CCL8: variants seen among roughly 807,000 people sequenced by gnomAD.
CCL8 encodes the protein C-C motif chemokine 8.
A neutral mutation model predicts 6.6 loss-of-function variants in CCL8; 3 were observed. The ratio of observed to expected loss-of-function variants is 0.45; its 90% confidence interval spans 0.21 to 1.17. CCL8 has a LOEUF of 1.17. Ranked by LOEUF, CCL8 falls within the 50% of genes most tolerant of loss-of-function variation. The pLI, the probability that CCL8 is intolerant of heterozygous loss-of-function variation, is 0.24. For missense variants in CCL8, 127 were observed against 118.1 expected (o/e 1.08, Z -0.35); for synonymous variants, 49 against 41.8 (o/e 1.17, Z -0.67).
chr17:34,320,750 T>C, intron 2 of CCL8, 52 bp from the exon 3 acceptor site: 1 of 1,171,968 alleles, frequency 8.5e-7, no homozygotes, highest in South Asian at 1.3e-5. Flanking sequence ...CCCACAGTCC[T>C]GTGCAGGATC....
At position 34,320,385 on chromosome 17, in the gene CCL8, ATG is replaced by A; in HGVS notation, c.194+2_194+3del. 6.3e-7 allele frequency: 1 copy of A among 1,587,248 alleles called. No individual in the cohort carries two copies. Among genetic ancestry groups the A allele is most frequent in the South Asian group, 1.1e-5 (1 of 90,588 alleles). On this transcript the variant is annotated splice_donor_variant and coding_sequence_variant, in exon 2 of 3. Coordinates refer to ENST00000394620, the MANE Select transcript of CCL8 (RefSeq NM_005623.3). LOFTEE classifies it high-confidence loss of function. The stretch of plus-strand genomic sequence containing the variant: ...CATCCAATGTCCCAAGGAAGCTGTG[ATG>A]TGAGTGGACAGTGCCTGGCACCCCC...
In CCL8 at chr17:34,319,444, G is replaced by A. The variant is rs1434079616; in HGVS notation, c.-58G>A. On this transcript the variant is annotated 5_prime_UTR_variant, in exon 1 of 3. Transcript: ENST00000394620. ...AGAGCCACCGAGGAGCAGAGAGGTT[G>A]AGAACAACCCAGAAACCTTCACCTC... 1 of 1,507,642 alleles carries A rather than the reference G, an allele frequency of 6.6e-7. No homozygotes were observed. 93.4% of individuals were successfully genotyped at this position (1,507,642 alleles called of 1,614,324 possible).
chr17:34,320,434 A>G (rs767477998), intron 2 of CCL8, 48 bp downstream of exon 2: 1 of 1,194,924 alleles, frequency 8.4e-7, no homozygotes, highest in Admixed American at 1.7e-5. Context: ...CTGATGGACA[A>G]CATAGAGAAG....
rs201499299 is a variant in CCL8 at position 34,320,793 on chromosome 17, C to T, written c.195-9C>T. 9 of 1,565,650 alleles carry T rather than the reference C, an allele frequency of 5.7e-6. No individual in the cohort carries two copies. Among genetic ancestry groups the T allele is most frequent in the Non-Finnish European group, 6.1e-6 (7 of 1,144,360 alleles). ...TCTTCCATCTAATTGTGCCCTCTCTCCCCCACAGCTTCAAGACCAAACGGG... is the reference window on the plus strand; with the variant it reads ...TCTTCCATCTAATTGTGCCCTCTCTTCCCCACAGCTTCAAGACCAAACGGG... On this transcript the variant is annotated splice_polypyrimidine_tract_variant and intron_variant, in intron 2 of 2. Coordinates refer to ENST00000394620, the MANE Select transcript of CCL8 (RefSeq NM_005623.3).
At chr17:34,320,102 A>T (rs1269291322) in intron 1 of CCL8, among the ~76,000 whole-genome samples, 167 bp from the exon 2 acceptor site, 4 of 152,194 alleles carry the variant, frequency 2.6e-5, no homozygotes, top group Non-Finnish European at 4.4e-5. Context: ...GCAGAGTTCA[A>T]TAGAGGAAAG....
rs756261136 is a variant in CCL8 at position 34,320,945 on chromosome 17, A to G, written c.*38A>G. 7.2e-7 allele frequency: 1 copy of G among 1,388,216 alleles called. No individual in the cohort carries two copies. The highest frequency in any genetic ancestry group is 1.3e-5 in the South Asian group (1 of 79,634). The allele number at this position is 1,388,216 out of a possible 1,614,324, so 86.0% of individuals were successfully genotyped here. ...GGACTGAGAGTCAGAGCTTGAAGAA[A>G]AGCTTATTTATTTTCCCCAACCTCC... On this transcript the variant is annotated 3_prime_UTR_variant, in exon 3 of 3. Coordinates refer to ENST00000394620, the MANE Select transcript of CCL8 (RefSeq NM_005623.3).
At chr17:34,320,448 A>T in intron 2 of CCL8, 62 bp downstream of exon 2, 4 of 1,060,678 alleles carry the variant, frequency 3.8e-6, no homozygotes, top group Non-Finnish European at 5.9e-6. Context: ...AGAGAAGTCA[A>T]GATTCATGTC....
Position 34,319,515 on chromosome 17 carries a change from C to A in CCL8, c.14C>A (p.Ala5Glu), listed in dbSNP as rs751609965. 6.2e-7 allele frequency: 1 copy of A among 1,613,844 alleles called. No homozygotes were observed. The highest frequency in any genetic ancestry group is 1.7e-5 in the Admixed American group (1 of 60,008). The change falls in exon 1 of 3, where the codon GCA (alanine) becomes GAA (glutamate). Residue 5 changes from alanine to glutamate, a missense_variant. Ala to Glu is a moderately radical substitution (Grantham distance 107). Transcript: ENST00000394620. MKVS[A>E]ALLCLLLMAA... The stretch of plus-strand genomic sequence containing the variant: ...TTGCCCTCCAAGATGAAGGTTTCTG[C>A]AGCGCTTCTGTGCCTGCTGCTCATG...
Position 34,320,833 on chromosome 17 carries a change from G to C in CCL8, c.226G>C (p.Ala76Pro), listed in dbSNP as rs758880269. The change falls in exon 3 of 3, where the codon GCT becomes CCT. Residue 76 changes from alanine to proline, a missense_variant. By Grantham distance (27) the Ala-to-Pro change is conservative. Coordinates refer to ENST00000394620, the MANE Select transcript of CCL8 (RefSeq NM_005623.3). ...FKTKRGKEVC[A>P]DPKERWVRDS... ...GACCAAACGGGGCAAGGAGGTCTGTGCTGACCCCAAGGAGAGATGGGTCAG... is the reference window on the plus strand; with the variant it reads ...GACCAAACGGGGCAAGGAGGTCTGTCCTGACCCCAAGGAGAGATGGGTCAG... 9 of 1,609,920 alleles carry C rather than the reference G, an allele frequency of 5.6e-6. No individual in the cohort carries two copies. Among genetic ancestry groups the C allele is most frequent in the Non-Finnish European group, 2.5e-6 (3 of 1,178,612 alleles).
rs1133763 is a variant in CCL8 at position 34,320,812 on chromosome 17, A to C, written c.205A>C (p.Lys69Gln). The change falls in exon 3 of 3, where the codon AAA becomes CAA. Residue 69 changes from lysine to glutamine, a missense_variant. By Grantham distance (53) the Lys-to-Gln change is moderately conservative. Coordinates refer to ENST00000394620, the MANE Select transcript of CCL8 (RefSeq NM_005623.3). ...CTCTCTCCCCCACAGCTTCAAGACC[A>C]AACGGGGCAAGGAGGTCTGTGCTGA... ...CPKEAVIFKT[K>Q]RGKEVCADPK... 0.17 allele frequency: 275,435 copies of C among 1,601,202 alleles called. 27,316 individuals carry two copies. Among genetic ancestry groups the C allele is most frequent in the South Asian group, 0.36 (31,942 of 89,228 alleles).
chr17:34,320,050 G>T (rs1026478963), intron 1 of CCL8, among the ~76,000 whole-genome samples: 1 of 152,170 alleles, frequency 6.6e-6, no homozygotes, highest in African/African-American at 2.4e-5. Flanking sequence ...GGACTAGCTT[G>T]TTACTCAAAA....
At position 34,320,802 on chromosome 17, in the gene CCL8, C is replaced by T. The variant is rs1398790624; in HGVS notation, c.195C>T (p.Ile65=). The T allele has an allele frequency of 1.3e-6, 2 of 1,596,958 alleles. No homozygotes were observed. The highest frequency in any genetic ancestry group is 1.1e-5 in the South Asian group (1 of 88,890). Residue 65 remains isoleucine (I), a splice_region_variant and synonymous_variant, in exon 3 of 3, where the codon ATC becomes ATT. Transcript: ENST00000394620. ...TAATTGTGCCCTCTCTCCCCCACAG[C>T]TTCAAGACCAAACGGGGCAAGGAGG... The part of the protein sequence containing the change: ...TNIQCPKEAV[I]FKTKRGKEVC...
rs117180331 is a variant in CCL8, at chr17:34,320,872, C to A, written c.265C>A (p.His89Asn). The change falls in exon 3 of 3, where the codon CAT becomes AAT. Residue 89 changes from histidine to asparagine, a missense_variant. By Grantham distance (68) the His-to-Asn change is moderately conservative (BLOSUM62 1). Transcript: ENST00000394620. The part of the protein sequence containing the change: ...KERWVRDSMK[H>N]LDQIFQNLKP Reference sequence around the variant, plus strand: ...GAGATGGGTCAGGGATTCCATGAAGCATCTGGACCAAATATTTCAAAATCT... The same window carrying A: ...GAGATGGGTCAGGGATTCCATGAAGAATCTGGACCAAATATTTCAAAATCT... 7,209 of 1,610,606 alleles carry A rather than the reference C, an allele frequency of 4.5e-3. 37 individuals are homozygous for A. The highest frequency in any genetic ancestry group is 0.028 in the Middle Eastern group (167 of 6,046).
chr17:34,320,497 C>T, intron 2 of CCL8, 111 bp downstream of exon 2: 1 of 729,784 alleles, frequency 1.4e-6, no homozygotes, highest in Middle Eastern at 2.4e-4. Context: ...TCCAAAGGGC[C>T]CCTCTACCCC....
At chr17:34,319,895 C>T (rs1047744062) in intron 1 of CCL8, among the ~76,000 whole-genome samples, 3 of 152,156 alleles carry the variant, frequency 2.0e-5, no homozygotes, top group African/African-American at 7.2e-5. Flanking sequence ...CCTTCCAGAA[C>T]AGTGGCTGTG....
rs201283546 is a variant in CCL8 at position 34,320,815 on chromosome 17, C to T, written c.208C>T (p.Arg70Trp). ...TCTCCCCCACAGCTTCAAGACCAAA[C>T]GGGGCAAGGAGGTCTGTGCTGACCC... ...PKEAVIFKTK[R>W]GKEVCADPKE... The change falls in exon 3 of 3, where the codon CGG becomes TGG. Residue 70 changes from arginine (R) to tryptophan (W), a missense_variant. Coordinates refer to ENST00000394620, the MANE Select transcript of CCL8 (RefSeq NM_005623.3). The T allele has an allele frequency of 3.9e-5, 62 of 1,603,444 alleles. No individual in the cohort carries two copies. The highest frequency in any genetic ancestry group is 8.1e-5 in the African/African-American group (6 of 74,238).
At position 34,320,251 on chromosome 17, in the gene CCL8, T is replaced by C. The variant is rs1463490586; in HGVS notation, c.77-18T>C. ...CGGTGGGTCCTAAATGTCTCATTCT[T>C]TGCAAAATTTCTTTCAGATTCAGTT... On this transcript the variant is annotated intron_variant, in intron 1 of 2. Transcript: ENST00000394620. 6.5e-7 allele frequency: 1 copy of C among 1,542,262 alleles called. No homozygotes were observed. The highest frequency in any genetic ancestry group is 9.0e-7 in the Non-Finnish European group (1 of 1,114,764).
rs1437076667 is a variant in CCL8 at position 34,320,978 on chromosome 17, G to A, written c.*71G>A. 2.1e-5 allele frequency: 17 copies of A among 808,462 alleles called. No individual in the cohort carries two copies. The highest frequency in any genetic ancestry group is 6.6e-5 in the South Asian group (4 of 60,426). 50.1% of individuals were successfully genotyped at this position (808,462 alleles called of 1,614,324 possible). Reference sequence around the variant, plus strand: ...TTATTTTCCCCAACCTCCCCCAGGTGCAGTGTGACATTATTTTATTATAAC... The same window carrying A: ...TTATTTTCCCCAACCTCCCCCAGGTACAGTGTGACATTATTTTATTATAAC... On this transcript the variant is annotated 3_prime_UTR_variant, in exon 3 of 3. Coordinates refer to ENST00000394620, the MANE Select transcript of CCL8 (RefSeq NM_005623.3).
In CCL8 at chr17:34,321,384, T is replaced by A. The variant is rs954943390; in HGVS notation, c.*477T>A. 1 of 152,544 alleles carries A rather than the reference T, an allele frequency of 6.6e-6. No homozygotes were observed. The highest frequency in any genetic ancestry group is 2.4e-5 in the African/African-American group (1 of 41,412). 9.4% of individuals were successfully genotyped at this position (152,544 alleles called of 1,614,324 possible). On this transcript the variant is annotated 3_prime_UTR_variant, in exon 3 of 3. Transcript: ENST00000394620. Reference sequence around the variant, plus strand: ...AAAAAAAATTTCAAAAAGAAAAAAATATATATAATTTAAAACTACTTAGTC... The same window carrying A: ...AAAAAAAATTTCAAAAAGAAAAAAAAATATATAATTTAAAACTACTTAGTC...
Sources: allele counts gnomAD v4.1 joint callset (sites outside exome capture counted in the v4.1 genomes callset), GRCh38; gene constraint gnomAD v4.1.1; transcripts MANE v1.5; gene names NCBI Gene and HGNC (gene_info 2026-07-23, HGNC 2026-07-21).